NAV2: variants seen among roughly 807,000 people sequenced by gnomAD.
NAV2 encodes helicase, APC down-regulated 1.
NAV2 carries 54 observed loss-of-function variants against 223.2 expected under a neutral mutation model. The ratio of observed to expected loss-of-function variants is 0.24; its 90% CI spans 0.19 to 0.30. The LOEUF is 0.30. Among genes scored for constraint, NAV2 ranks in the 10% least tolerant of loss-of-function variants. The pLI is 1.00. For synonymous variants in NAV2, 1,279 were observed against 1,239.3 expected, an observed-to-expected ratio of 1.03 and a Z score of -0.67; for missense variants, 2,806 against 3,147.5, an observed-to-expected ratio of 0.89 and a Z score of 2.60.
intron 1 of NAV2, among the ~76,000 whole-genome samples, chr11:19,612,016 A>G (rs1565099136): frequency 1.3e-5 from 2 of 152,202 alleles, no homozygotes; most frequent in Non-Finnish European, 2.9e-5. Flanking sequence ...TGAAATCTAG[A>G]CGGATGTTCC....
chr11:19,458,943 A>G (rs1183631012), intron 1 of NAV2, among the ~76,000 whole-genome samples: 1 of 152,252 alleles, frequency 6.6e-6, no homozygotes, highest in East Asian at 1.9e-4. Context: ...CAGAGACAGC[A>G]TGAGCCACAG....
At position 19,922,482 on chromosome 11, in the gene NAV2, A is replaced by C. The variant is rs182758109; in HGVS notation, c.932-10694A>C. ...GTGTGTGTTGTAAGATTTGAACTCT[A>C]TTAACACCTGCTTTTTGAACTTCGG... On this transcript the variant is annotated intron_variant, in intron 6 of 37. Coordinates refer to ENST00000349880, the MANE Select transcript of NAV2 (RefSeq NM_145117.5). 7.9e-5 allele frequency among the ~76,000 whole-genome samples: 12 copies of C among 152,206 alleles called. No homozygotes were observed. In the East Asian group the frequency reaches 2.1e-3, roughly 27 times the overall value.
At chr11:20,090,834 G>A in intron 26 of NAV2, 31 bp from the exon 27 acceptor site, 1 of 1,609,462 alleles carries the variant, frequency 6.2e-7, no homozygotes, top group Non-Finnish European at 8.5e-7. Flanking sequence ...AAAAGGAGCT[G>A]CTTTCATCAG....
chr11:19,345,686 G>T, the NAV2 span, among the ~76,000 whole-genome samples: 2 of 152,254 alleles, frequency 1.3e-5, no homozygotes, highest in African/African-American at 2.4e-5. This position sits in a 1 kb window ranked among gnomAD's most constrained non-coding sequence, Gnocchi z 5.2. Flanking sequence ...GGGGCTGGGC[G>T]CCCGGCGCAG....
intron 1 of NAV2, among the ~76,000 whole-genome samples, chr11:19,391,216 C>A (rs1849235936): frequency 6.6e-6 from 1 of 152,080 alleles, no homozygotes; most frequent in Non-Finnish European, 1.5e-5. Flanking sequence ...CCAAGGGGCA[C>A]CCCTTCCCTG....
At chr11:20,046,770 A>G (rs1308738338) in intron 14 of NAV2, among the ~76,000 whole-genome samples, 2 of 152,196 alleles carry the variant, frequency 1.3e-5, no homozygotes, top group African/African-American at 4.8e-5. Flanking sequence ...TTTTAAATTT[A>G]TTCAGCTTTT....
intron 1 of NAV2, among the ~76,000 whole-genome samples, chr11:19,650,251 G>A (rs2047933094): frequency 6.6e-6 from 1 of 152,172 alleles, no homozygotes; most frequent in African/African-American, 2.4e-5. Context: ...CAGCTGCAGA[G>A]GAGAATGCCA....
chr11:19,824,586 T>C (rs555420562), intron 1 of NAV2, among the ~76,000 whole-genome samples: 1 of 152,240 alleles, frequency 6.6e-6, no homozygotes, highest in African/African-American at 2.4e-5. Flanking sequence ...TTCACCTATT[T>C]GACTATTGTA....
At position 19,432,157 on chromosome 11, in the gene NAV2, C is replaced by A. The variant is rs183845021; in HGVS notation, c.75+81130C>A. Among the ~76,000 whole-genome samples, 159 of 150,888 alleles carry A rather than the reference C, an allele frequency of 1.1e-3. 3 individuals are homozygous for A. Among genetic ancestry groups the A allele is most frequent in the Admixed American group, 9.9e-3 (150 of 15,146 alleles). ...ATGTTGCAGTGAGCTGAGATTGCAC[C>A]ACTGCACTCCAGCCTGGGCAACAAG... On this transcript the variant is annotated intron_variant, in intron 1 of 37. Coordinates refer to the NAV2 transcript ENST00000360655.
At chr11:20,105,323 T>G in intron 34 of NAV2, 4 of 452,060 alleles carry the variant, frequency 8.8e-6, no homozygotes, top group South Asian at 9.4e-5. Context: ...AAAACGGAGG[T>G]GGAGATAATA....
intron 1 of NAV2, among the ~76,000 whole-genome samples, chr11:19,558,265 G>T (rs1406686286): frequency 6.6e-6 from 1 of 152,172 alleles, no homozygotes; most frequent in Non-Finnish European, 1.5e-5. Flanking sequence ...TTAGGGCAGG[G>T]CTCAGTGGGA....
At chr11:20,068,981 A>G (rs1293030866) in intron 22 of NAV2, among the ~76,000 whole-genome samples, 1 of 152,144 alleles carries the variant, frequency 6.6e-6, no homozygotes, top group Non-Finnish European at 1.5e-5. Flanking sequence ...GAAACAAAAC[A>G]AACAATTTTG....
At chr11:19,714,793 A>C (rs976461105) in intron 1 of NAV2, among the ~76,000 whole-genome samples, 1 of 152,208 alleles carries the variant, frequency 6.6e-6, no homozygotes, top group African/African-American at 2.4e-5. Context: ...TGGCCGTGCA[A>C]TCTCTTTTAC....
chr11:19,547,526 C>A (rs555965981), intron 1 of NAV2, among the ~76,000 whole-genome samples: 2 of 152,190 alleles, frequency 1.3e-5, no homozygotes, highest in African/African-American at 4.8e-5. Flanking sequence ...TACATCCTCA[C>A]GCTGCACACT....
chr11:19,954,188 T>C (rs1013405986), intron 10 of NAV2, among the ~76,000 whole-genome samples: 9 of 152,158 alleles, frequency 5.9e-5, no homozygotes, highest in African/African-American at 2.2e-4. Context: ...TGGCTGGTGA[T>C]ATTTAGGGCT....
chr11:19,402,990 G>A (rs1344003125), intron 1 of NAV2, among the ~76,000 whole-genome samples: 1 of 152,184 alleles, frequency 6.6e-6, no homozygotes, highest in East Asian at 1.9e-4. Flanking sequence ...GCGGTGAAGA[G>A]CCCAGACTCT....
In NAV2 at chr11:20,114,752, C is replaced by G; in HGVS notation, c.7121C>G (p.Thr2374Arg). 1 of 1,613,972 alleles carries G rather than the reference C, an allele frequency of 6.2e-7. No individual in the cohort carries two copies. The highest frequency in any genetic ancestry group is 1.1e-5 in the South Asian group (1 of 91,028). Residue 2374 changes from threonine (T) to arginine (R), a missense_variant, in exon 37 of 38, where the codon ACA becomes AGA. Thr to Arg is a moderately conservative substitution (Grantham distance 71). Coordinates refer to ENST00000349880, the MANE Select transcript of NAV2 (RefSeq NM_145117.5). ...TACTCCATGCCTCGGGAGGGATCGA[C>G]AAGCAAGCAGATGCCCCCCAGTGAT... ...DGYSMPREGS[T>R]SKQMPPSDAE... is the part of the protein sequence containing the mutation.
chr11:19,471,532 T>C (rs79458508), intron 1 of NAV2, among the ~76,000 whole-genome samples: 7,803 of 152,228 alleles, frequency 0.051, 274 homozygotes, highest in Non-Finnish European at 0.079. Context: ...GCTATTACCA[T>C]CACAATCTTA....
intron 1 of NAV2, among the ~76,000 whole-genome samples, chr11:19,601,956 A>G (rs1214553575): frequency 6.6e-6 from 1 of 152,146 alleles, no homozygotes. Context: ...ACAATCCTAC[A>G]CTGCCCAGCT....
Sources: gnomAD v4.1 joint callset for allele counts (sites outside exome capture counted in the v4.1 genomes callset) on GRCh38, gnomAD v4.1.1 for gene constraint, Gnocchi (gnomAD v3.1) non-coding constraint, MANE v1.5 for transcripts, NCBI Gene and HGNC (gene_info 2026-07-23, HGNC 2026-07-21) for gene names.